BIRC6: variants seen among roughly 807,000 people sequenced by gnomAD.
BIRC6 encodes the protein baculoviral IAP repeat containing 6.
In BIRC6, 98 loss-of-function variants were observed where a neutral mutation model predicts 503.3. The ratio of observed to expected loss-of-function variants is 0.19; its 90% CI spans 0.17 to 0.23. The LOEUF is 0.23. Ranked by LOEUF, BIRC6 falls within the 10% of genes least tolerant of loss-of-function variation. BIRC6 has a pLI of 1.00. For synonymous variants in BIRC6, 2,240 were observed against 2,078.7 expected (o/e 1.08, Z -2.11); for missense variants, 5,360 against 5,806.0 (o/e 0.92, Z 2.50).
At chr2:32,520,809 T>A (rs938439818) in intron 57 of BIRC6, among the ~76,000 whole-genome samples, 3 of 152,112 alleles carry the variant, frequency 2.0e-5, no homozygotes, top group African/African-American at 7.2e-5. Context: ...AGAGCGAGAC[T>A]CTCTCAAAAC....
intron 2 of BIRC6, chr2:32,379,601 C>T (rs182654520): frequency 2.6e-5 from 4 of 152,264 alleles, no homozygotes; most frequent in Admixed American, 2.6e-4. Context: ...TCCTTTACTG[C>T]ATCAGATTAG....
chr2:32,408,257 C>G (rs943530137), intron 9 of BIRC6, among the ~76,000 whole-genome samples: 1 of 152,010 alleles, frequency 6.6e-6, no homozygotes, highest in Non-Finnish European at 1.5e-5. Flanking sequence ...CGTGAGCCAC[C>G]GTGCCCGGCC....
intron 65 of BIRC6, chr2:32,565,600 T>A (rs1169713749): frequency 6.6e-6 from 1 of 152,218 alleles, no homozygotes; most frequent in Non-Finnish European, 1.5e-5. Context: ...CTTATATTTC[T>A]TTATAGGAAA....
intron 73 of BIRC6, among the ~76,000 whole-genome samples, chr2:32,617,423 C>T (rs2063319246): frequency 6.6e-6 from 1 of 152,082 alleles, no homozygotes; most frequent in Non-Finnish European, 1.5e-5. Flanking sequence ...GTATATGTAT[C>T]TAATAATGTC....
chr2:32,399,330 C>T (rs933749739), intron 6 of BIRC6, among the ~76,000 whole-genome samples: 7 of 152,212 alleles, frequency 4.6e-5, no homozygotes, highest in Non-Finnish European at 8.8e-5. Context: ...AAGTGATGCA[C>T]CCATCTCAGC....
At chr2:32,516,721 G>A (rs1221908077) in intron 55 of BIRC6, among the ~76,000 whole-genome samples, 1 of 151,792 alleles carries the variant, frequency 6.6e-6, no homozygotes. Flanking sequence ...AATCCTGAAA[G>A]GTAGAATTAT....
intron 49 of BIRC6, 107 bp from the exon 50 acceptor site, chr2:32,504,898 C>T (rs983046953): frequency 3.9e-6 from 4 of 1,014,442 alleles, no homozygotes; most frequent in Non-Finnish European, 5.8e-6. Context: ...ATCAATTGTT[C>T]ATGTTTTCAA....
chr2:32,399,439 T>G (rs1485848974), intron 6 of BIRC6, among the ~76,000 whole-genome samples: 2 of 152,172 alleles, frequency 1.3e-5, no homozygotes, highest in African/African-American at 4.8e-5. Context: ...TGAAGTGCAA[T>G]GGCTATACAC....
At chr2:32,612,043 A>G (rs2754523) in intron 73 of BIRC6, among the ~76,000 whole-genome samples, 55,848 of 151,744 alleles carry the variant, frequency 0.37, 10,720 homozygotes, top group Non-Finnish European at 0.44. Context: ...GCCCAGTTAA[A>G]TTTTTTTATT....
At chr2:32,365,027 AG>A (rs1167127645) in intron 1 of BIRC6, among the ~76,000 whole-genome samples, 1 of 152,194 alleles carries the variant, frequency 6.6e-6, no homozygotes, top group Non-Finnish European at 1.5e-5. Flanking sequence ...TAGCCCTAGA[AG>A]ATGTCTTATG....
chr2:32,371,712 A>C (rs891908239), intron 1 of BIRC6, among the ~76,000 whole-genome samples: 1 of 151,700 alleles, frequency 6.6e-6, no homozygotes, highest in Admixed American at 6.6e-5. Flanking sequence ...TTTTTATAGA[A>C]TTTGGATCAT....
At chr2:32,582,853 C>A (rs2060774509) in intron 66 of BIRC6, among the ~76,000 whole-genome samples, 1 of 152,102 alleles carries the variant, frequency 6.6e-6, no homozygotes, top group South Asian at 2.1e-4. Context: ...TCTTGTAGTT[C>A]TCTTATTATA....
intron 71 of BIRC6, among the ~76,000 whole-genome samples, chr2:32,604,858 T>TTTTTTTC (rs149971876): frequency 1.3e-5 from 2 of 151,582 alleles, no homozygotes; most frequent in African/African-American, 2.4e-5. Context: ...GCAATAGTTA[T>TTTTTTTC]TTTTTTCTTT....
chr2:32,414,446 C>A (rs1026759679), intron 9 of BIRC6, among the ~76,000 whole-genome samples: 1 of 151,598 alleles, frequency 6.6e-6, no homozygotes, highest in African/African-American at 2.4e-5. Context: ...GTGGGTGGAT[C>A]ACCTGAGGTC....
At chr2:32,579,071 A>G (rs1043429227) in intron 66 of BIRC6, among the ~76,000 whole-genome samples, 5 of 146,236 alleles carry the variant, frequency 3.4e-5, no homozygotes, top group Non-Finnish European at 6.0e-5. Flanking sequence ...TACCTAATAT[A>G]TATATATTAG....
chr2:32,378,744 A>G (rs1338567784), intron 2 of BIRC6, among the ~76,000 whole-genome samples: 1 of 152,236 alleles, frequency 6.6e-6, no homozygotes, highest in Non-Finnish European at 1.5e-5. Flanking sequence ...GGCGTGAGCC[A>G]CCGCACCCAG....
intron 46 of BIRC6, 73 bp downstream of exon 46, chr2:32,500,182 A>T (rs1262604172): frequency 2.6e-5 from 34 of 1,324,882 alleles, no homozygotes; most frequent in Non-Finnish European, 3.4e-5. Context: ...CAATATATGG[A>T]TTCATTTTCT....
chr2:32,486,526 G>T (rs1015112245), intron 40 of BIRC6, among the ~76,000 whole-genome samples: 4 of 152,196 alleles, frequency 2.6e-5, no homozygotes, highest in African/African-American at 9.7e-5. Flanking sequence ...ACAGATTGGG[G>T]AGCTGTGCTT....
At chr2:32,552,104 T>C (rs1237546316) in intron 65 of BIRC6, among the ~76,000 whole-genome samples, 1 of 152,190 alleles carries the variant, frequency 6.6e-6, no homozygotes, top group East Asian at 1.9e-4. Flanking sequence ...AACACACTAG[T>C]TTATGCCTTC....
Sources: gnomAD v4.1 joint callset for allele counts (sites outside exome capture counted in the v4.1 genomes callset) on GRCh38, gnomAD v4.1.1 for gene constraint, MANE v1.5 for transcripts, NCBI Gene and HGNC (gene_info 2026-07-23, HGNC 2026-07-21) for gene names.